Variants in THSD4 observed in about 807,000 individuals in gnomAD.
The protein encoded by THSD4 is thrombospondin type-1 domain-containing protein 4.
Under a neutral mutation model 119.0 loss-of-function variants are expected in THSD4, and 69 were observed. The observed-to-expected ratio is 0.58, with a 90% CI of 0.48 to 0.71. The LOEUF (loss-of-function observed/expected upper bound fraction) is 0.71, where lower values mean the gene tolerates loss of function less well. THSD4 is among the 30% of genes least tolerant of loss of function. The pLI is 0.00. For missense variants in THSD4, 1,393 were observed against 1,391.1 expected (o/e 1.00, Z -0.02); for synonymous variants, 524 against 540.4 (o/e 0.97, Z 0.42).
chr15:71,367,198 T>C (rs937309862), intron 6 of THSD4, among the ~76,000 whole-genome samples: 1 of 151,318 alleles, frequency 6.6e-6, no homozygotes, highest in African/African-American at 2.4e-5. Flanking sequence ...TGTTGAACAA[T>C]TACCTCATGC....
chr15:71,567,602 C>CCACACA (rs71154785), intron 7 of THSD4, among the ~76,000 whole-genome samples: 3 of 142,506 alleles, frequency 2.1e-5, no homozygotes, highest in African/African-American at 7.4e-5. Flanking sequence ...AGACACCCCC[C>CCACACA]CACACACACA....
chr15:71,662,006 G>T (rs1337681797), intron 8 of THSD4, among the ~76,000 whole-genome samples: 2 of 152,134 alleles, frequency 1.3e-5, no homozygotes, highest in Non-Finnish European at 2.9e-5. Flanking sequence ...GTGGAGCTGG[G>T]GTTCAGACCA....
intron 7 of THSD4, among the ~76,000 whole-genome samples, chr15:71,508,308 A>C (rs2048224083): frequency 6.6e-6 from 1 of 152,220 alleles, no homozygotes; most frequent in South Asian, 2.1e-4. Context: ...CCCAGGCCTA[A>C]GGGAATTCAT....
At chr15:71,667,358 A>G (rs568568970) in intron 8 of THSD4, among the ~76,000 whole-genome samples, 1 of 152,338 alleles carries the variant, frequency 6.6e-6, no homozygotes, top group Admixed American at 6.5e-5. Context: ...AAAGTTTGGC[A>G]TAGTTCAGTC....
intron 4 of THSD4, among the ~76,000 whole-genome samples, chr15:71,224,517 C>T (rs928453237): frequency 6.6e-6 from 1 of 152,148 alleles, no homozygotes; most frequent in Non-Finnish European, 1.5e-5. Flanking sequence ...AAGGCTTGAC[C>T]CTGTAGTTTT....
At chr15:71,396,465 G>A (rs1057025241) in intron 6 of THSD4, among the ~76,000 whole-genome samples, 1 of 152,164 alleles carries the variant, frequency 6.6e-6, no homozygotes, top group African/African-American at 2.4e-5. Flanking sequence ...TACTTTATGT[G>A]GCAGTTTGTA....
At chr15:71,279,317 T>C (rs1451509583) in intron 6 of THSD4, among the ~76,000 whole-genome samples, 1 of 152,208 alleles carries the variant, frequency 6.6e-6, no homozygotes, top group Non-Finnish European at 1.5e-5. Flanking sequence ...CTGTAGATAT[T>C]GGCGGCTTTG....
rs372824199 is a variant in THSD4 at position 71,635,618 on chromosome 15, T to G, written c.1153-24912T>G. On this transcript the variant is annotated intron_variant, in intron 7 of 17. Coordinates refer to ENST00000261862, the MANE Select transcript of THSD4 (RefSeq NM_024817.3). ...TTGATTGGAAAACATGATCTTCTAG[T>G]TATCAAATGCTTTAATTAATGGCAA... 1.6e-3 allele frequency among the ~76,000 whole-genome samples: 249 copies of G among 152,342 alleles called. 2 individuals carry two copies. Among genetic ancestry groups the G allele is most frequent in the African/African-American group, 5.8e-3 (242 of 41,580 alleles).
At chr15:71,214,567 A>C (rs1023961818) in intron 3 of THSD4, among the ~76,000 whole-genome samples, 2 of 152,242 alleles carry the variant, frequency 1.3e-5, no homozygotes, top group African/African-American at 4.8e-5. Context: ...CGGAAGGAAC[A>C]AACTCCGGAC....
intron 7 of THSD4, among the ~76,000 whole-genome samples, chr15:71,470,353 G>C (rs942604205): frequency 2.0e-5 from 3 of 152,188 alleles, no homozygotes; most frequent in African/African-American, 7.2e-5. Flanking sequence ...CCTAGAGGTT[G>C]ACTACTTGGA....
intron 10 of THSD4, among the ~76,000 whole-genome samples, chr15:71,734,760 A>T (rs2053048551): frequency 6.6e-6 from 1 of 150,888 alleles, no homozygotes; most frequent in South Asian, 2.1e-4. Flanking sequence ...GGTGTGTGGG[A>T]ACTCTGTACT....
chr15:71,406,553 C>CT (rs1416411830), intron 6 of THSD4, among the ~76,000 whole-genome samples: 1 of 151,966 alleles, frequency 6.6e-6, no homozygotes, highest in Non-Finnish European at 1.5e-5. Flanking sequence ...TGTCTCATTG[C>CT]TCCATTTATT....
chr15:71,558,001 T>C (rs375289276), intron 7 of THSD4, among the ~76,000 whole-genome samples: 1 of 152,288 alleles, frequency 6.6e-6, no homozygotes, highest in South Asian at 2.1e-4. Flanking sequence ...TTTATTTATG[T>C]CATCATTTTT....
At chr15:71,462,496 T>G (rs570991846) in intron 7 of THSD4, among the ~76,000 whole-genome samples, 40 of 152,324 alleles carry the variant, frequency 2.6e-4, no homozygotes, top group African/African-American at 9.4e-4. Flanking sequence ...TCTGAAACAC[T>G]TAAGACATGA....
intron 7 of THSD4, among the ~76,000 whole-genome samples, chr15:71,449,939 A>G (rs1334704419): frequency 1.3e-5 from 2 of 152,222 alleles, no homozygotes; most frequent in Non-Finnish European, 2.9e-5. Context: ...ACTTAGGATT[A>G]AAAGTAGGAA....
chr15:71,447,689 A>G (rs1395697797), intron 7 of THSD4, among the ~76,000 whole-genome samples: 1 of 152,252 alleles, frequency 6.6e-6, no homozygotes, highest in Admixed American at 6.5e-5. Flanking sequence ...AGTTGTGTCA[A>G]TTAGCGATGA....
At chr15:71,468,846 G>A (rs1054555551) in intron 7 of THSD4, among the ~76,000 whole-genome samples, 1 of 152,204 alleles carries the variant, frequency 6.6e-6, no homozygotes, top group East Asian at 1.9e-4. Flanking sequence ...AAGGGCATAT[G>A]CCCTCCCTTT....
At chr15:71,442,239 T>C (rs1289329584) in intron 7 of THSD4, among the ~76,000 whole-genome samples, 1 of 151,618 alleles carries the variant, frequency 6.6e-6, no homozygotes, top group African/African-American at 2.4e-5. Context: ...ATTACAGACA[T>C]GAGCCACCGC....
chr15:71,289,073 C>T (rs555824831), intron 6 of THSD4, among the ~76,000 whole-genome samples: 125 of 152,302 alleles, frequency 8.2e-4, no homozygotes, highest in African/African-American at 2.8e-3. Context: ...GACATCTTTC[C>T]TGTGCTGCCT....
Sources: allele counts gnomAD v4.1 joint callset (sites outside exome capture counted in the v4.1 genomes callset), GRCh38; gene constraint gnomAD v4.1.1; transcripts MANE v1.5; gene names NCBI Gene and HGNC (gene_info 2026-07-23, HGNC 2026-07-21).